The following RLF variants were observed in gnomAD, a reference collection of about 807,000 sequenced individuals.
The protein encoded by RLF is zinc finger protein Rlf.
A neutral mutation model predicts 162.9 loss-of-function variants in RLF; 7 were observed. The observed-to-expected ratio is 0.04, with a 90% CI of 0.02 to 0.08. RLF has a LOEUF of 0.08. Ranked by LOEUF, RLF falls within the 10% of genes least tolerant of loss-of-function variation. RLF has a pLI of 1.00. For missense variants in RLF, 1,664 were observed against 2,244.7 expected (o/e 0.74, Z 5.23); for synonymous variants, 782 against 791.5 (o/e 0.99, Z 0.20).
intron 6 of RLF, among the ~76,000 whole-genome samples, chr1:40,226,994 G>T (rs905145185): frequency 2.6e-5 from 4 of 152,126 alleles, no homozygotes; most frequent in African/African-American, 9.7e-5. Flanking sequence ...CTCCTGAGTA[G>T]CTGGGATTAT....
rs372747955 is a variant in RLF, at chr1:40,237,866, G to A, written c.3164G>A (p.Cys1055Tyr). 31 of 1,613,972 alleles carry A rather than the reference G, an allele frequency of 1.9e-5. No individual in the cohort carries two copies. In the African/African-American group the frequency reaches 3.2e-4, roughly 17 times the overall value. Residue 1055 changes from cysteine to tyrosine, a missense_variant, in exon 8 of 8, where the codon TGT (cysteine) becomes TAT (tyrosine). This residue lies in a region of RLF where 295 missense variants were observed against 317.4 expected (regional missense o/e 0.93). Coordinates refer to ENST00000372771, the MANE Select transcript of RLF (RefSeq NM_012421.4). This position sits in a 1 kb window ranked among gnomAD's most constrained non-coding sequence, Gnocchi z 4.4. The stretch of plus-strand genomic sequence containing the variant: ...TCCATTTGTGCTTCTAAAAGGCCCT[G>A]TACAGAGGATACCATGTTGGAACTT... ...ESSICASKRP[C>Y]TEDTMLELLL...
At chr1:40,198,290 G>A (rs998294915) in intron 4 of RLF, among the ~76,000 whole-genome samples, 7 of 138,186 alleles carry the variant, frequency 5.1e-5, no homozygotes, top group Admixed American at 4.6e-4. Flanking sequence ...GTGAGCCACC[G>A]CGCCCGGCCT....
At chr1:40,169,489 G>A (rs577829921) in intron 1 of RLF, among the ~76,000 whole-genome samples, 5 of 150,684 alleles carry the variant, frequency 3.3e-5, no homozygotes, top group Non-Finnish European at 7.4e-5. Context: ...GGTGGCGGGC[G>A]CCTGTGGTCC....
intron 5 of RLF, among the ~76,000 whole-genome samples, chr1:40,221,883 C>T (rs1231441850): frequency 1.7e-5 from 2 of 120,182 alleles, no homozygotes; most frequent in Admixed American, 9.2e-5. Context: ...CTGGGCGACA[C>T]AGCGAGACTC....
intron 5 of RLF, among the ~76,000 whole-genome samples, chr1:40,205,591 G>A (rs961334328): frequency 4.2e-5 from 6 of 143,652 alleles, no homozygotes; most frequent in Admixed American, 1.5e-4. Flanking sequence ...CCAGGTTCAC[G>A]CCATTCTCCT....
At position 40,238,212 on chromosome 1, in the gene RLF, C is replaced by T; in HGVS notation, c.3510C>T (p.Ser1170=). ...TAACCATGTTCCAACATCGGTATTC[C>T]CCATTTCAGTGTCATATTTGCCAAA... ...LQLTMFQHRY[S]PFQCHICQRS... Residue 1170 remains serine (S), a synonymous_variant, in exon 8 of 8, where the codon TCC becomes TCT. Transcript: ENST00000372771. This position sits in a 1 kb window ranked among gnomAD's most constrained non-coding sequence, Gnocchi z 5.2. 6.2e-7 allele frequency: 1 copy of T among 1,614,008 alleles called. No homozygotes were observed. The highest frequency in any genetic ancestry group is 8.5e-7 in the Non-Finnish European group (1 of 1,179,980).
At position 40,237,473 on chromosome 1, in the gene RLF, A is replaced by G. The variant is rs77063933; in HGVS notation, c.2771A>G (p.Asp924Gly). 1.3e-5 allele frequency: 21 copies of G among 1,614,054 alleles called. No homozygotes were observed. In the East Asian group the frequency reaches 1.3e-4, roughly 10 times the overall value. The change falls in exon 8 of 8, where the codon GAT (aspartate) becomes GGT (glycine). Residue 924 changes from aspartate to glycine, a missense_variant. By Grantham distance (94) the Asp-to-Gly change is moderately conservative. Around this residue, in one of 15 missense-constraint regions of RLF, gnomAD observed 295 missense variants for 317.4 expected, o/e 0.93. Coordinates refer to ENST00000372771, the MANE Select transcript of RLF (RefSeq NM_012421.4). The surrounding 1 kb of genome is among the most constrained non-coding windows in gnomAD (Gnocchi z 4.4). ...DTLDHSETMQ[D>G]VLLSNEKVFG... ...CTAGATCACTCTGAAACTATGCAGG[A>G]TGTATTGTTATCTAATGAGAAAGTC...
In RLF at chr1:40,161,861, A is replaced by G. The variant is rs973296221; in HGVS notation, c.237+225A>G. On this transcript the variant is annotated intron_variant, in intron 1 of 7. Coordinates refer to ENST00000372771, the MANE Select transcript of RLF (RefSeq NM_012421.4). The surrounding 1 kb of genome is among the most constrained non-coding windows in gnomAD (Gnocchi z 4.4). ...TCGTTTTGCTCTGAGCCTTACTGAG[A>G]TCCCGGAGGGCCCTGGCGGGTCCCT... 6.6e-6 allele frequency among the ~76,000 whole-genome samples: 1 copy of G among 152,116 alleles called. No homozygotes were observed. The highest frequency in any genetic ancestry group is 2.4e-5 in the African/African-American group (1 of 41,428).
chr1:40,223,431 T>C (rs191575973), intron 6 of RLF, among the ~76,000 whole-genome samples: 161 of 152,210 alleles, frequency 1.1e-3, no homozygotes, highest in Middle Eastern at 3.4e-3. Context: ...GTATTAAAGG[T>C]GTCAGGGAGG....
In RLF at chr1:40,173,073, G is replaced by GTTTTTTTTTTTT. The variant is rs765020752; in HGVS notation, c.237+11444_237+11455dup. Among the ~76,000 whole-genome samples the GTTTTTTTTTTTT allele has an allele frequency of 1.1e-4, 14 of 129,008 alleles. 1 individual carries two copies. Among genetic ancestry groups the GTTTTTTTTTTTT allele is most frequent in the African/African-American group, 4.2e-4 (13 of 31,190 alleles). The allele number at this position is 129,008 out of a possible 152,430, so 84.6% of individuals were successfully genotyped here. A position where few individuals can be genotyped will look rare whatever the true frequency, so the allele number is the denominator to read the frequency against. On this transcript the variant is annotated intron_variant, in intron 1 of 7. Coordinates refer to ENST00000372771, the MANE Select transcript of RLF (RefSeq NM_012421.4). ...TAATTTGCATTTTAGTAACATTCAGGTTTTTTTTTTTTTTTTTTGTGAGGC... is the reference window on the plus strand; with the variant it reads ...TAATTTGCATTTTAGTAACATTCAGGTTTTTTTTTTTTTTTTTTTTTTTTTTTTTTGTGAGGC...
In RLF at chr1:40,202,572, A is replaced by T; in HGVS notation, c.768A>T (p.Thr256=). The part of the protein sequence containing the change: ...NVSSFQQAYI[T]CLCSMLPNED... Reference sequence around the variant, plus strand: ...CATCTTTTCAGCAAGCCTATATCACATGTTTATGTTCTATGCTCCCTAATG... The same window carrying T: ...CATCTTTTCAGCAAGCCTATATCACTTGTTTATGTTCTATGCTCCCTAATG... Residue 256 remains threonine (T), a synonymous_variant, in exon 5 of 8, where the codon ACA becomes ACT. Coordinates refer to ENST00000372771, the MANE Select transcript of RLF (RefSeq NM_012421.4). The T allele has an allele frequency of 6.4e-7, 1 of 1,559,024 alleles. No homozygotes were observed. The highest frequency in any genetic ancestry group is 8.6e-7 in the Non-Finnish European group (1 of 1,163,760).
At chr1:40,195,848 T>G (rs1321382578) in intron 4 of RLF, 84 bp downstream of exon 4, 3 of 1,226,996 alleles carry the variant, frequency 2.4e-6, no homozygotes, top group East Asian at 4.8e-5. Context: ...GGAATTTAAC[T>G]TGTGTATATA....
In RLF at chr1:40,222,631, G is replaced by A. The variant is rs1227348664; in HGVS notation, c.868G>A (p.Gly290Arg). ...CATCATTTGTAATCTGGAATCTGAG[G>A]GGCAGGATAACACAGCATTTGTTCT... ...LDIICNLESE[G>R]QDNTAFVLCT... Residue 290 changes from glycine to arginine, a missense_variant, in exon 6 of 8, where the codon GGG (glycine) becomes AGG (arginine). Gly to Arg is a moderately radical substitution (Grantham distance 125, BLOSUM62 -2). This residue lies in a region of RLF where 287 missense variants were observed against 404.9 expected (regional missense o/e 0.71). Coordinates refer to ENST00000372771, the MANE Select transcript of RLF (RefSeq NM_012421.4). 6.2e-7 allele frequency: 1 copy of A among 1,613,488 alleles called. No individual in the cohort carries two copies. The highest frequency in any genetic ancestry group is 8.5e-7 in the Non-Finnish European group (1 of 1,179,756).
At chr1:40,215,816 A>G (rs2124549908) in intron 5 of RLF, among the ~76,000 whole-genome samples, 1 of 152,202 alleles carries the variant, frequency 6.6e-6, no homozygotes, top group Non-Finnish European at 1.5e-5. Context: ...TTCTATTTGT[A>G]AAATGTTGAT....
chr1:40,181,132 T>C (rs970229038), intron 1 of RLF, among the ~76,000 whole-genome samples: 3 of 152,212 alleles, frequency 2.0e-5, no homozygotes, highest in Non-Finnish European at 2.9e-5. Flanking sequence ...CATTGTTGAA[T>C]GAAAAGGCTG....
At chr1:40,173,307 C>T (rs1456393436) in intron 1 of RLF, among the ~76,000 whole-genome samples, 2 of 151,886 alleles carry the variant, frequency 1.3e-5, no homozygotes, top group East Asian at 3.9e-4. Flanking sequence ...AACTCCTGAC[C>T]TCAGGTGATC....
chr1:40,222,529 A>G, intron 5 of RLF, 45 bp from the exon 6 acceptor site: 3 of 1,595,594 alleles, frequency 1.9e-6, no homozygotes. Context: ...AGTTTACTGA[A>G]AAGTCACCAT....
At chr1:40,176,010 T>C (rs947929609) in intron 1 of RLF, among the ~76,000 whole-genome samples, 2 of 152,196 alleles carry the variant, frequency 1.3e-5, no homozygotes, top group African/African-American at 4.8e-5. Context: ...ATATAAATAC[T>C]ATAATCATAT....
chr1:40,175,203 G>C (rs1642303094), intron 1 of RLF, among the ~76,000 whole-genome samples: 1 of 144,664 alleles, frequency 6.9e-6, no homozygotes, highest in African/African-American at 2.8e-5. Flanking sequence ...TTATGGTGGG[G>C]GTGGGGGGGG....
Sources: gnomAD v4.1 joint callset for allele counts (sites outside exome capture counted in the v4.1 genomes callset) on GRCh38, gnomAD v4.1.1 for gene constraint, gnomAD v4.1.1 regional missense constraint, Gnocchi (gnomAD v3.1) non-coding constraint, MANE v1.5 for transcripts, NCBI Gene and HGNC (gene_info 2026-07-23, HGNC 2026-07-21) for gene names.